ZZZ3: variants seen among roughly 807,000 people sequenced by gnomAD.
ZZZ3 encodes the protein ZZ-type zinc finger-containing protein 3.
In ZZZ3, 22 loss-of-function variants were observed where a neutral mutation model predicts 95.2. The ratio of observed to expected loss-of-function variants is 0.23; its 90% confidence interval spans 0.17 to 0.33. The LOEUF (loss-of-function observed/expected upper bound fraction) is 0.33. Among genes scored for constraint, ZZZ3 ranks in the 10% least tolerant of loss-of-function variants. The pLI is 1.00. For synonymous variants in ZZZ3, 335 were observed against 358.9 expected (o/e 0.93, Z 0.75); for missense variants, 885 against 1,066.5 (o/e 0.83, Z 2.37).
Position 77,635,387 on chromosome 1 carries a change from G to A in ZZZ3, c.-51-1982C>T, listed in dbSNP as rs115713763. Among the ~76,000 whole-genome samples the A allele has an allele frequency of 7.0e-3, 1,063 of 152,230 alleles. 15 individuals carry two copies. The highest frequency in any genetic ancestry group is 0.024 in the African/African-American group (989 of 41,546). ...TTCATAGCAACCAAGTGAACAATAA[G>A]TACAAGACACAAATCAGAACTTAGA... On this transcript the variant is annotated intron_variant, in intron 4 of 14. Coordinates refer to ENST00000370801, the MANE Select transcript of ZZZ3 (RefSeq NM_015534.6).
At chr1:77,571,320 T>C (rs1661364046) in intron 12 of ZZZ3, among the ~76,000 whole-genome samples, 1 of 152,052 alleles carries the variant, frequency 6.6e-6, no homozygotes, top group Non-Finnish European at 1.5e-5. Context: ...TTGGTAAGGA[T>C]GTAAATAAAT....
rs1660799749 is a variant in ZZZ3 at position 77,566,115 on chromosome 1, T to C, written c.2533A>G (p.Met845Val). The stretch of plus-strand genomic sequence containing the variant: ...CAAGAATCACAGAAATCCAAAGACA[T>C]TTCTGGAGGACAATCCTGGCAATGC... ...RWHCQDCPPEMSLDFCDSCSD... is the reference protein window; with the variant it reads ...RWHCQDCPPEVSLDFCDSCSD... The change falls in exon 14 of 15, where the codon ATG becomes GTG. Residue 845 changes from methionine to valine, a missense_variant. By Grantham distance (21) the Met-to-Val change is conservative. This residue lies in a region of ZZZ3 where 221 missense variants were observed against 247.8 expected (regional missense o/e 0.89). Transcript: ENST00000370801. The C allele has an allele frequency of 6.2e-7, 1 of 1,613,230 alleles. No homozygotes were observed. The highest frequency in any genetic ancestry group is 1.1e-5 in the South Asian group (1 of 90,944).
At chr1:77,681,817 T>C (rs1423833709) in intron 1 of ZZZ3, among the ~76,000 whole-genome samples, 1 of 148,582 alleles carries the variant, frequency 6.7e-6, no homozygotes, top group Non-Finnish European at 1.5e-5. Flanking sequence ...GAGAATCGCT[T>C]GAACCCGGGA....
chr1:77,590,811 C>T (rs190623009), intron 5 of ZZZ3, among the ~76,000 whole-genome samples: 20 of 152,110 alleles, frequency 1.3e-4, no homozygotes, highest in Admixed American at 3.3e-4. Context: ...GAGATATTTG[C>T]GGAAGTATGA....
At chr1:77,679,667 GT>G (rs1282666505) in intron 1 of ZZZ3, among the ~76,000 whole-genome samples, 3 of 152,126 alleles carry the variant, frequency 2.0e-5, no homozygotes, top group Non-Finnish European at 2.9e-5. Context: ...GAATAAATCA[GT>G]ATTATTATAT....
At position 77,584,659 on chromosome 1, in the gene ZZZ3, C is replaced by A; in HGVS notation, c.1506-4G>T. ...CGTCTGTAATAGTCTCTGATAACTA[C>A]AGAGACAAAGAAAAATATTTCACAA... On this transcript the variant is annotated splice_region_variant and splice_polypyrimidine_tract_variant and intron_variant, in intron 5 of 14. Coordinates refer to ENST00000370801, the MANE Select transcript of ZZZ3 (RefSeq NM_015534.6). The A allele has an allele frequency of 6.5e-7, 1 of 1,545,138 alleles. No homozygotes were observed. Among genetic ancestry groups the A allele is most frequent in the Non-Finnish European group, 8.7e-7 (1 of 1,152,494 alleles).
At chr1:77,579,296 T>C (rs530232191) in intron 10 of ZZZ3, among the ~76,000 whole-genome samples, 4 of 152,334 alleles carry the variant, frequency 2.6e-5, no homozygotes, top group African/African-American at 4.8e-5. Flanking sequence ...AGAAATTAAG[T>C]CCATTATATG....
At chr1:77,675,025 A>G (rs1181851071) in intron 1 of ZZZ3, among the ~76,000 whole-genome samples, 1 of 152,062 alleles carries the variant, frequency 6.6e-6, no homozygotes, top group South Asian at 2.1e-4. Context: ...CAGTTCAGGT[A>G]AGAATCATAG....
chr1:77,634,742 C>T (rs1020021759), intron 4 of ZZZ3, among the ~76,000 whole-genome samples: 1 of 152,010 alleles, frequency 6.6e-6, no homozygotes, highest in Non-Finnish European at 1.5e-5. Flanking sequence ...TAGAAAAATG[C>T]CTTGATTGAT....
At chr1:77,676,422 C>G (rs922008172) in intron 1 of ZZZ3, among the ~76,000 whole-genome samples, 1 of 152,220 alleles carries the variant, frequency 6.6e-6, no homozygotes, top group Admixed American at 6.5e-5. Flanking sequence ...TCCACCTCAG[C>G]TTCCCAAAGT....
chr1:77,655,814 C>T, intron 1 of ZZZ3, among the ~76,000 whole-genome samples: 1 of 152,166 alleles, frequency 6.6e-6, no homozygotes, highest in East Asian at 1.9e-4. Flanking sequence ...CTTTGTTGAT[C>T]TATGACTTAG....
chr1:77,633,056 GC>G lies in ZZZ3; in HGVS notation c.298del (p.Ala100LeufsTer2). The G allele has an allele frequency of 6.2e-7, 1 of 1,613,774 alleles. No homozygotes were observed. Among genetic ancestry groups the G allele is most frequent in the Non-Finnish European group, 8.5e-7 (1 of 1,179,986 alleles). On this transcript the variant is annotated frameshift_variant, in exon 5 of 15. Transcript: ENST00000370801. LOFTEE classifies it high-confidence loss of function. ...TTGCCTTCTCTCACAATTTTCTATA[GC>G]CTGCCTTTCTATGTTATCCTTTTCT... ...SSEKDNIERQ[A>X]IENCERRQTE...
chr1:77,638,132 T>A (rs1311295838), intron 4 of ZZZ3, among the ~76,000 whole-genome samples: 1 of 152,168 alleles, frequency 6.6e-6, no homozygotes, highest in Admixed American at 6.5e-5. Context: ...TAACTAGAAT[T>A]AACCAGACTC....
chr1:77,674,449 G>A (rs1398619721), intron 1 of ZZZ3, among the ~76,000 whole-genome samples: 1 of 152,076 alleles, frequency 6.6e-6, no homozygotes, highest in Non-Finnish European at 1.5e-5. Flanking sequence ...CTTGGTGAGG[G>A]GTGGCACCTA....
In ZZZ3 at chr1:77,566,129, T is replaced by A. The variant is rs1557682055; in HGVS notation, c.2519A>T (p.Asp840Val). 6.2e-7 allele frequency: 1 copy of A among 1,613,474 alleles called. No homozygotes were observed. The highest frequency in any genetic ancestry group is 1.7e-5 in the Admixed American group (1 of 59,962). ...ATCCAAAGACATTTCTGGAGGACAA[T>A]CCTGGCAATGCCACCGAACACCCTG... is the stretch of plus-strand genomic sequence containing the variant. Reference protein sequence around the residue: ...PIQGVRWHCQDCPPEMSLDFC... With the variant: ...PIQGVRWHCQVCPPEMSLDFC... The change falls in exon 14 of 15, where the codon GAT becomes GTT. Residue 840 changes from aspartate to valine, a missense_variant. Coordinates refer to ENST00000370801, the MANE Select transcript of ZZZ3 (RefSeq NM_015534.6).
intron 1 of ZZZ3, among the ~76,000 whole-genome samples, chr1:77,658,881 T>C (rs781067361): frequency 2.2e-4 from 34 of 152,248 alleles, no homozygotes; most frequent in Admixed American, 6.5e-5. Flanking sequence ...TGAAGGACAC[T>C]GTCAGGTGGC....
chr1:77,669,424 A>G (rs1004349346), intron 1 of ZZZ3, among the ~76,000 whole-genome samples: 1 of 151,202 alleles, frequency 6.6e-6, no homozygotes, highest in African/African-American at 2.4e-5. Flanking sequence ...AGAAATTAAG[A>G]GCTAGAATAC....
intron 5 of ZZZ3, among the ~76,000 whole-genome samples, chr1:77,600,257 A>T (rs2100668329): frequency 6.6e-6 from 1 of 152,300 alleles, no homozygotes; most frequent in Admixed American, 6.5e-5. Context: ...CCAAACATAT[A>T]CTCAGGCTAA....
At chr1:77,607,919 CA>C (rs552924354) in intron 5 of ZZZ3, among the ~76,000 whole-genome samples, 401 of 56,970 alleles carry the variant, frequency 7.0e-3, no homozygotes, top group Middle Eastern at 0.012. Context: ...GACTCTGTCT[CA>C]AAAAAAAAAA....
Sources: gnomAD v4.1 joint callset for allele counts (sites outside exome capture counted in the v4.1 genomes callset) on GRCh38, gnomAD v4.1.1 for gene constraint, gnomAD v4.1.1 regional missense constraint, MANE v1.5 for transcripts, NCBI Gene and HGNC (gene_info 2026-07-23, HGNC 2026-07-21) for gene names.